Variants in TAF8 observed in about 807,000 individuals in gnomAD.
TAF8 encodes TATA-box binding protein associated factor 8, also known as transcription initiation factor TFIID subunit 8.
Under a neutral mutation model 36.5 loss-of-function variants are expected in TAF8, and 47 were observed. The observed-to-expected ratio is 1.29, with a 90% CI of 1.02 to 1.64. TAF8 has a LOEUF of 1.64. Among genes scored for constraint, TAF8 ranks in the 40% most tolerant of loss-of-function variants. TAF8 has a pLI of 0.00. For synonymous variants in TAF8, 175 were observed against 159.5 expected, an observed-to-expected ratio of 1.10 and a Z score of -0.73; for missense variants, 420 against 407.6, an observed-to-expected ratio of 1.03 and a Z score of -0.26.
chr6:42,077,793 T>G lies in TAF8; in HGVS notation c.*248T>G. 7.6e-7 allele frequency: 1 copy of G among 1,317,104 alleles called. No homozygotes were observed. The allele number at this position is 1,317,104 out of a possible 1,614,324, so 81.6% of individuals were successfully genotyped here. ...TATTTTGAGATGGAGTCTTACTCTA[T>G]CACCCAGGCTGGAATGCAGTGGTGT... is the stretch of plus-strand genomic sequence containing the variant. On this transcript the variant is annotated 3_prime_UTR_variant, in exon 9 of 9. Coordinates refer to ENST00000372977, the MANE Select transcript of TAF8 (RefSeq NM_138572.3).
chr6:42,073,321 A>G (rs1012555114), intron 7 of TAF8, among the ~76,000 whole-genome samples: 1 of 152,216 alleles, frequency 6.6e-6, no homozygotes, highest in South Asian at 2.1e-4. Context: ...TATGTGCCAG[A>G]TATTTTTTCT....
At chr6:42,074,782 C>CT (rs1035341731) in intron 7 of TAF8, among the ~76,000 whole-genome samples, 4 of 151,978 alleles carry the variant, frequency 2.6e-5, no homozygotes, top group African/African-American at 9.7e-5. Context: ...GGTGATCCAC[C>CT]TGCCTTGGCC....
In TAF8 at chr6:42,070,964, T is replaced by G. The variant is rs77520232; in HGVS notation, c.780+2357T>G. 3.2e-3 allele frequency among the ~76,000 whole-genome samples: 492 copies of G among 152,214 alleles called. 2 individuals are homozygous for G. Among genetic ancestry groups the G allele is most frequent in the African/African-American group, 0.012 (479 of 41,530 alleles). ...GGAGGTGTTCTAGTCCTAGTTTGTT[T>G]TAGGGTATACTTTCTTTTCTGCTCA... On this transcript the variant is annotated intron_variant, in intron 7 of 8. Transcript: ENST00000372977.
chr6:42,086,147 T>A (rs1766021571), downstream of TAF8, among the ~76,000 whole-genome samples: 1 of 152,188 alleles, frequency 6.6e-6, no homozygotes, highest in Non-Finnish European at 1.5e-5. Context: ...CAGTTTCTAG[T>A]ACTTTGTTGG....
At chr6:42,056,118 G>T in intron 4 of TAF8, 104 bp downstream of exon 4, 1 of 768,424 alleles carries the variant, frequency 1.3e-6, no homozygotes, top group Non-Finnish European at 2.3e-6. Context: ...CTTCCTTGTT[G>T]TGGGCTCTCT....
intron 7 of TAF8, among the ~76,000 whole-genome samples, chr6:42,076,817 G>A (rs1765763025): frequency 1.3e-5 from 2 of 152,068 alleles, no homozygotes; most frequent in South Asian, 4.1e-4. Context: ...TCCCTCCCAG[G>A]TGTCTGTTCT....
chr6:42,065,987 G>A (rs1346374012), intron 5 of TAF8, among the ~76,000 whole-genome samples: 3 of 152,052 alleles, frequency 2.0e-5, no homozygotes, highest in African/African-American at 4.8e-5. Context: ...TGCAACCTCC[G>A]CCTCCTGGGT....
chr6:42,057,389 C>T lies in TAF8; in HGVS notation c.365C>T (p.Pro122Leu), dbSNP rs752200321. The T allele has an allele frequency of 1.2e-6, 2 of 1,614,012 alleles. No individual in the cohort carries two copies. The highest frequency in any genetic ancestry group is 1.7e-6 in the Non-Finnish European group (2 of 1,180,020). ...KRSQRMVITA[P>L]PVTNQPVTPK... ...GTAATCAGTTGTGACTCTGTTGCAG[C>T]TCCGGTGACCAATCAGCCAGTGACC... The change falls in exon 5 of 9, where the codon CCT becomes CTT. Residue 122 changes from proline to leucine, a missense_variant and splice_region_variant. Physicochemically the swap from Pro to Leu is moderately conservative, Grantham distance 98 (BLOSUM62 -3). Transcript: ENST00000372977.
intron 4 of TAF8, 51 bp downstream of exon 4, chr6:42,056,065 G>A: frequency 8.4e-7 from 1 of 1,194,862 alleles, no homozygotes; most frequent in East Asian, 2.3e-5. Flanking sequence ...TAATGCTTGT[G>A]GAATGAAGTA....
intron 5 of TAF8, among the ~76,000 whole-genome samples, chr6:42,064,010 T>C (rs1190482815): frequency 6.6e-6 from 1 of 152,188 alleles, no homozygotes; most frequent in African/African-American, 2.4e-5. Context: ...GCTCTCATAG[T>C]TGAAAATGGT....
rs1280133699 is a variant in TAF8 at position 42,080,214 on chromosome 6, GTGT to G, written c.*2673_*2675del. ...CAGCTGTTCTCACTGCTCTTGGGAG[GTGT>G]TGTCCCAGTCAGTGTTTCTGCAGCT... On this transcript the variant is annotated 3_prime_UTR_variant, in exon 9 of 9. Transcript: ENST00000372977. 2.0e-6 allele frequency: 2 copies of G among 985,418 alleles called. No individual in the cohort carries two copies. Among genetic ancestry groups the G allele is most frequent in the Non-Finnish European group, 2.4e-6 (2 of 830,026 alleles). 61.0% of individuals were successfully genotyped at this position (985,418 alleles called of 1,614,324 possible). A position where few individuals can be genotyped will look rare whatever the true frequency, so the allele number is the denominator to read the frequency against.
At chr6:42,054,683 A>G (rs971442652) in intron 2 of TAF8, among the ~76,000 whole-genome samples, 1 of 148,538 alleles carries the variant, frequency 6.7e-6, no homozygotes, top group African/African-American at 2.6e-5. Flanking sequence ...ATCTCGGCTC[A>G]CTGCAACCAC....
intron 2 of TAF8, 104 bp downstream of exon 2, chr6:42,051,617 T>A: frequency 7.1e-7 from 1 of 1,411,102 alleles, no homozygotes; most frequent in Non-Finnish European, 9.4e-7. Context: ...ACTTTTTTCT[T>A]AAGAGGGGAG....
chr6:42,057,003 G>T lies in TAF8; in HGVS notation c.365-386G>T, dbSNP rs942539702. ...AAGGTGCCATTTTCAATCCCCTCTT[G>T]TTATGATTAAGCTCACACTTAATGT... On this transcript the variant is annotated intron_variant, in intron 4 of 8. Transcript: ENST00000372977. Among the ~76,000 whole-genome samples the T allele has an allele frequency of 4.6e-5, 7 of 152,220 alleles. No homozygotes were observed. In the East Asian group the frequency reaches 1.4e-3, roughly 29 times the overall value.
downstream of TAF8, among the ~76,000 whole-genome samples, chr6:42,084,027 A>G (rs1765990106): frequency 6.6e-6 from 1 of 151,926 alleles, no homozygotes; most frequent in African/African-American, 2.4e-5. Flanking sequence ...TAAAAATACA[A>G]AAAATTAGCC....
intron 5 of TAF8, among the ~76,000 whole-genome samples, chr6:42,065,311 A>T (rs146762103): frequency 0.01 from 1,590 of 152,220 alleles, 28 homozygotes; most frequent in African/African-American, 0.035. Flanking sequence ...GCGCCACTGC[A>T]CTCCAGCCTG....
chr6:42,069,643 C>T (rs998021100), intron 7 of TAF8, among the ~76,000 whole-genome samples: 2 of 152,058 alleles, frequency 1.3e-5, no homozygotes, highest in African/African-American at 2.4e-5. Flanking sequence ...GTTTGAGATG[C>T]TTGTTAGACA....
At chr6:42,086,731 C>A (rs1452575975), downstream of TAF8, 2 of 1,551,210 alleles carry the variant, frequency 1.3e-6, no homozygotes, top group Non-Finnish European at 1.7e-6. Context: ...CAGATACATT[C>A]TAGAGAATTG....
chr6:42,068,269 G>A (rs183087962), intron 6 of TAF8, among the ~76,000 whole-genome samples, 196 bp from the exon 7 acceptor site: 7 of 152,310 alleles, frequency 4.6e-5, no homozygotes, highest in African/African-American at 1.7e-4. Context: ...GTACTTAATA[G>A]GATGGGAGCA....
Sources: gnomAD v4.1 joint callset for allele counts (sites outside exome capture counted in the v4.1 genomes callset) on GRCh38, gnomAD v4.1.1 for gene constraint, MANE v1.5 for transcripts, NCBI Gene and HGNC (gene_info 2026-07-23, HGNC 2026-07-21) for gene names.